SEMA6D: variants seen among roughly 807,000 people sequenced by gnomAD.
SEMA6D encodes semaphorin-6D.
SEMA6D carries 35 observed loss-of-function variants against 106.6 expected under a neutral mutation model. The ratio of observed to expected loss-of-function variants is 0.33; its 90% CI spans 0.25 to 0.44. The LOEUF (loss-of-function observed/expected upper bound fraction) is 0.44, where lower values mean the gene tolerates loss of function less well. SEMA6D is among the 20% of genes least tolerant of loss of function. The pLI, the probability that SEMA6D is intolerant of heterozygous loss-of-function variation, is 1.00. For missense variants in SEMA6D, 1,185 were observed against 1,345.9 expected (o/e 0.88, Z 1.87); for synonymous variants, 499 against 487.7 (o/e 1.02, Z -0.31).
chr15:47,714,372 T>C (rs2079072711), upstream of SEMA6D, among the ~76,000 whole-genome samples: 3 of 152,332 alleles, frequency 2.0e-5, no homozygotes, highest in East Asian at 3.9e-4. Flanking sequence ...CCTTGTAGCA[T>C]TGTTGCAAGT....
chr15:47,228,488 T>G (rs2031968605), intron 1 of SEMA6D, among the ~76,000 whole-genome samples: 1 of 152,054 alleles, frequency 6.6e-6, no homozygotes, highest in Non-Finnish European at 1.5e-5. Flanking sequence ...TTTATCTCTT[T>G]TATTTGTTAA....
At chr15:47,392,870 G>C (rs1254060549) in intron 1 of SEMA6D, among the ~76,000 whole-genome samples, 1 of 152,216 alleles carries the variant, frequency 6.6e-6, no homozygotes, top group Non-Finnish European at 1.5e-5. Context: ...GATATCCCCA[G>C]TTGCCATTGG....
At chr15:47,418,960 G>C (rs951837076) in intron 2 of SEMA6D, among the ~76,000 whole-genome samples, 1 of 152,136 alleles carries the variant, frequency 6.6e-6, no homozygotes, top group Non-Finnish European at 1.5e-5. Flanking sequence ...TTGAGTTTAA[G>C]GAGGGTTATG....
intron 4 of SEMA6D, among the ~76,000 whole-genome samples, chr15:47,658,249 A>G (rs762312208): frequency 6.6e-6 from 1 of 152,162 alleles, no homozygotes; most frequent in East Asian, 1.9e-4. Context: ...GTATCCTTTG[A>G]ACAACAGAAG....
intron 2 of SEMA6D, among the ~76,000 whole-genome samples, chr15:47,446,702 A>G (rs1331967419): frequency 6.6e-6 from 1 of 152,120 alleles, no homozygotes; most frequent in African/African-American, 2.4e-5. Flanking sequence ...TCTGTCCTGC[A>G]TCCTTCCGAA....
At position 47,770,816 on chromosome 15, in the gene SEMA6D, T is replaced by A. The variant is rs185832892; in HGVS notation, c.2253T>A (p.Asn751Lys). The A allele has an allele frequency of 2.5e-6, 4 of 1,613,924 alleles. No individual in the cohort carries two copies. The African/African-American group carries it at 5.3e-5, about 22-fold the overall frequency. Residue 751 changes from asparagine to lysine, a missense_variant, in exon 19 of 19, where the codon AAT (asparagine) becomes AAA (lysine). Coordinates refer to ENST00000536845, the MANE Select transcript of SEMA6D (RefSeq NM_001358351.3). ...CCAGTCGGAAAGAGCTACCACCCAATGGAGATACTAAATCCATGGTAATGG... is the reference window on the plus strand; with the variant it reads ...CCAGTCGGAAAGAGCTACCACCCAAAGGAGATACTAAATCCATGGTAATGG... Reference protein sequence around the residue: ...LLTSRKELPPNGDTKSMVMDH... With the variant: ...LLTSRKELPPKGDTKSMVMDH...
At chr15:47,433,457 C>G (rs2041603288) in intron 2 of SEMA6D, among the ~76,000 whole-genome samples, 1 of 151,970 alleles carries the variant, frequency 6.6e-6, no homozygotes, top group South Asian at 2.1e-4. Flanking sequence ...TTTTCATTAA[C>G]CAGTCAACCT....
chr15:47,628,517 G>A (rs906165132), intron 4 of SEMA6D, among the ~76,000 whole-genome samples: 5 of 152,028 alleles, frequency 3.3e-5, no homozygotes, highest in Non-Finnish European at 1.5e-5. Context: ...GGTTAATGAT[G>A]TTAAACATCT....
intron 1 of SEMA6D, among the ~76,000 whole-genome samples, chr15:47,246,936 T>G (rs1263815721): frequency 6.6e-6 from 1 of 152,134 alleles, no homozygotes; most frequent in African/African-American, 2.4e-5. Context: ...AAATGACGAA[T>G]AGCCAGCACA....
intron 1 of SEMA6D, among the ~76,000 whole-genome samples, chr15:47,322,826 C>A (rs1456926921): frequency 2.0e-5 from 3 of 151,966 alleles, no homozygotes; most frequent in Non-Finnish European, 4.4e-5. Flanking sequence ...CCTCGGATGG[C>A]AATTATTTTT....
intron 4 of SEMA6D, among the ~76,000 whole-genome samples, chr15:47,672,615 G>A (rs947899666): frequency 3.9e-4 from 59 of 152,130 alleles, no homozygotes; most frequent in African/African-American, 1.4e-3. Flanking sequence ...ATTTTTATCA[G>A]CAATCTTGAG....
chr15:47,411,721 G>A (rs1038879934), intron 1 of SEMA6D, among the ~76,000 whole-genome samples: 1 of 152,084 alleles, frequency 6.6e-6, no homozygotes, highest in African/African-American at 2.4e-5. Context: ...TCTGTCTTCA[G>A]GTTTGGGTTT....
chr15:47,460,292 G>A (rs1386979025), intron 2 of SEMA6D, among the ~76,000 whole-genome samples: 2 of 152,152 alleles, frequency 1.3e-5, no homozygotes, highest in African/African-American at 4.8e-5. Context: ...TTTGTCTCAA[G>A]TCTTCTTTAC....
chr15:47,689,548 G>A (rs1045812893), intron 4 of SEMA6D, among the ~76,000 whole-genome samples: 3 of 152,228 alleles, frequency 2.0e-5, no homozygotes, highest in Non-Finnish European at 4.4e-5. Context: ...GCAGACCTCT[G>A]CATTGCTTTC....
intron 2 of SEMA6D, among the ~76,000 whole-genome samples, chr15:47,447,722 G>A (rs1402931279): frequency 1.3e-5 from 2 of 152,162 alleles, no homozygotes; most frequent in African/African-American, 4.8e-5. Flanking sequence ...CAAGGAGGGG[G>A]CAGTGGGAAC....
intron 1 of SEMA6D, among the ~76,000 whole-genome samples, chr15:47,191,178 C>CATAT (rs71425589): frequency 0.012 from 1,840 of 148,610 alleles, 16 homozygotes; most frequent in Non-Finnish European, 0.015. Flanking sequence ...TGTCTCAAAA[C>CATAT]ATATATATAT....
At chr15:47,643,799 T>C (rs1021736993) in intron 4 of SEMA6D, among the ~76,000 whole-genome samples, 2 of 152,224 alleles carry the variant, frequency 1.3e-5, no homozygotes, top group African/African-American at 4.8e-5. Flanking sequence ...TTTACAGATA[T>C]ACAATAAATT....
chr15:47,511,367 A>G (rs2044224335), intron 3 of SEMA6D, among the ~76,000 whole-genome samples: 1 of 152,356 alleles, frequency 6.6e-6, no homozygotes, highest in African/African-American at 2.4e-5. Flanking sequence ...GTGCTCACAA[A>G]TCATCTAACC....
intron 1 of SEMA6D, among the ~76,000 whole-genome samples, chr15:47,267,274 C>G (rs188432689): frequency 1.7e-4 from 25 of 151,470 alleles, no homozygotes; most frequent in Admixed American, 1.6e-3. Context: ...TTCCATTGTC[C>G]TTGTCATTAA....
Sources: allele counts gnomAD v4.1 joint callset (sites outside exome capture counted in the v4.1 genomes callset), GRCh38; gene constraint gnomAD v4.1.1; transcripts MANE v1.5; gene names NCBI Gene and HGNC (gene_info 2026-07-23, HGNC 2026-07-21).